The following DYM variants were observed in gnomAD, a reference collection of about 807,000 sequenced individuals.
The protein encoded by DYM is dymeclin, also known as dyggve-Melchior-Clausen syndrome protein.
A neutral mutation model predicts 93.1 loss-of-function variants in DYM; 78 were observed. That is an observed-to-expected ratio of 0.84 (90% CI 0.70 to 1.01). The LOEUF (loss-of-function observed/expected upper bound fraction) is 1.01. Among genes scored for constraint, DYM ranks in the 50% least tolerant of loss-of-function variants. The pLI, the probability that DYM is intolerant of heterozygous loss-of-function variation, is 0.00. For synonymous variants in DYM, 321 were observed against 319.7 expected (o/e 1.00, Z -0.04); for missense variants, 789 against 845.0 (o/e 0.93, Z 0.82).
intron 1 of DYM, among the ~76,000 whole-genome samples, chr18:49,443,872 T>C (rs1207608205): frequency 1.3e-5 from 2 of 152,236 alleles, no homozygotes; most frequent in African/African-American, 4.8e-5. Context: ...CAAAGAATTG[T>C]GTCCAGAGAA....
intron 8 of DYM, among the ~76,000 whole-genome samples, chr18:49,301,507 T>A (rs1204334445): frequency 2.4e-5 from 3 of 127,236 alleles, no homozygotes; most frequent in Non-Finnish European, 4.7e-5. Flanking sequence ...GGTGACAGAG[T>A]GAGACTCCGT....
intron 13 of DYM, among the ~76,000 whole-genome samples, chr18:49,237,865 G>A (rs2093917934): frequency 1.3e-5 from 2 of 149,994 alleles, no homozygotes; most frequent in South Asian, 2.1e-4. Context: ...TATTTTTCAC[G>A]TAATATATCT....
At chr18:49,285,936 A>G (rs1485109869) in intron 9 of DYM, among the ~76,000 whole-genome samples, 1 of 152,228 alleles carries the variant, frequency 6.6e-6, no homozygotes, top group Non-Finnish European at 1.5e-5. Context: ...CATAGTACCT[A>G]TGGCTGCTTT....
At chr18:49,398,317 C>T (rs1359540764) in intron 2 of DYM, among the ~76,000 whole-genome samples, 1 of 152,092 alleles carries the variant, frequency 6.6e-6, no homozygotes, top group Non-Finnish European at 1.5e-5. Context: ...TTTCTATCTT[C>T]CCACCTACTT....
chr18:49,067,479 T>A, intron 17 of DYM, among the ~76,000 whole-genome samples: 1 of 131,090 alleles, frequency 7.6e-6, no homozygotes, highest in Non-Finnish European at 1.6e-5. Context: ...GGAGAAGGAG[T>A]GGGGTGATGT....
intron 17 of DYM, among the ~76,000 whole-genome samples, chr18:49,080,380 G>A (rs1265723179): frequency 2.2e-5 from 3 of 134,742 alleles, no homozygotes; most frequent in Admixed American, 1.4e-4. Context: ...CTGGCCGGGC[G>A]AGGGGCTGAG....
intron 8 of DYM, among the ~76,000 whole-genome samples, chr18:49,327,228 A>AT (rs1037922297): frequency 8.6e-5 from 13 of 151,668 alleles, no homozygotes; most frequent in South Asian, 2.1e-4. Context: ...TCAAAATAAA[A>AT]TTTTTTTTTA....
chr18:49,125,940 G>T (rs1355481317), intron 15 of DYM, among the ~76,000 whole-genome samples: 1 of 152,142 alleles, frequency 6.6e-6, no homozygotes, highest in African/African-American at 2.4e-5. Flanking sequence ...AACCTCAAGT[G>T]TCCCTCAATA....
intron 13 of DYM, among the ~76,000 whole-genome samples, chr18:49,237,420 T>C (rs1296938859): frequency 1.3e-5 from 2 of 152,232 alleles, no homozygotes; most frequent in African/African-American, 2.4e-5. Flanking sequence ...TTTTTTTAAA[T>C]TGCATATACG....
At chr18:49,237,136 T>C (rs2093891540) in intron 13 of DYM, among the ~76,000 whole-genome samples, 1 of 152,106 alleles carries the variant, frequency 6.6e-6, no homozygotes, top group South Asian at 2.1e-4. Flanking sequence ...CTGTACACAC[T>C]GAAAGGTTAG....
chr18:49,200,831 T>C (rs2091927487), intron 14 of DYM, among the ~76,000 whole-genome samples: 2 of 152,200 alleles, frequency 1.3e-5, no homozygotes, highest in South Asian at 4.1e-4. Context: ...AATTAACATA[T>C]TAATTGCTTC....
At chr18:49,145,107 T>TCG (rs2084940407) in intron 15 of DYM, among the ~76,000 whole-genome samples, 1 of 31,304 alleles carries the variant, frequency 3.2e-5, no homozygotes, top group Non-Finnish European at 4.7e-5. Flanking sequence ...TCAAAAAAAT[T>TCG]CATATATATA....
chr18:49,286,417 G>GA lies in DYM; in HGVS notation c.946+16dup, dbSNP rs769773316. The GA allele has an allele frequency of 8.1e-6, 13 of 1,613,830 alleles. No homozygotes were observed. The Middle Eastern group carries it at 5.0e-4, about 61-fold the overall frequency. On this transcript the variant is annotated intron_variant, in intron 9 of 17. Transcript: ENST00000675505. ...TCTCCCCATTACAAAGAATATTAGAGAAAAAATACCACAAACCTTGTGTGT... is the reference window on the plus strand; with the variant it reads ...TCTCCCCATTACAAAGAATATTAGAGAAAAAAATACCACAAACCTTGTGTGT...
intron 15 of DYM, among the ~76,000 whole-genome samples, chr18:49,145,686 T>C (rs1600120641): frequency 6.6e-6 from 1 of 152,204 alleles, no homozygotes; most frequent in East Asian, 1.9e-4. Context: ...GATGTTTTCA[T>C]TCATTTTTAT....
chr18:49,149,215 C>T (rs1015742711), intron 15 of DYM, among the ~76,000 whole-genome samples: 4 of 152,068 alleles, frequency 2.6e-5, no homozygotes, highest in Admixed American at 6.5e-5. Flanking sequence ...AATGGAGTGA[C>T]GGGGAGAAGC....
chr18:49,151,625 C>A (rs1450508280), intron 15 of DYM, among the ~76,000 whole-genome samples: 1 of 152,138 alleles, frequency 6.6e-6, no homozygotes, highest in East Asian at 1.9e-4. Flanking sequence ...CCACATAAAA[C>A]AAACATTGCC....
chr18:49,091,110 T>C (rs181494823), intron 17 of DYM, among the ~76,000 whole-genome samples: 26 of 152,308 alleles, frequency 1.7e-4, no homozygotes, highest in African/African-American at 5.5e-4. Context: ...CAGCACTTTA[T>C]GGTCAACAGG....
At chr18:49,159,650 G>C (rs1224394981) in intron 15 of DYM, among the ~76,000 whole-genome samples, 1 of 152,160 alleles carries the variant, frequency 6.6e-6, no homozygotes, top group African/African-American at 2.4e-5. Flanking sequence ...GGGAAGACAA[G>C]GCAGGACAAT....
At chr18:49,410,742 C>G (rs2148189169) in intron 2 of DYM, among the ~76,000 whole-genome samples, 1 of 151,840 alleles carries the variant, frequency 6.6e-6, no homozygotes, top group East Asian at 1.9e-4. Flanking sequence ...GAGCTGCCCT[C>G]CAGCCTGGCC....
Sources: allele counts gnomAD v4.1 joint callset (sites outside exome capture counted in the v4.1 genomes callset), GRCh38; gene constraint gnomAD v4.1.1; transcripts MANE v1.5; gene names NCBI Gene and HGNC (gene_info 2026-07-23, HGNC 2026-07-21).